The following ST8SIA1 variants were observed in gnomAD, a reference collection of about 807,000 sequenced individuals.
The protein encoded by ST8SIA1 is ST8 alpha-N-acetyl-neuraminide alpha-2,8-sialyltransferase 1, also known as alpha-N-acetylneuraminide alpha-2,8-sialyltransferase.
Under a neutral mutation model 35.9 loss-of-function variants are expected in ST8SIA1, and 16 were observed. The ratio of observed to expected loss-of-function variants is 0.45; its 90% confidence interval spans 0.30 to 0.68. The LOEUF is 0.68. Ranked by LOEUF, ST8SIA1 falls within the 30% of genes least tolerant of loss-of-function variation. The probability of loss-of-function intolerance (pLI) is 0.09; values close to 1 mark genes in which losing one functional copy is unlikely to be tolerated. For missense variants in ST8SIA1, 383 were observed against 453.6 expected (o/e 0.84, Z 1.41); for synonymous variants, 170 against 169.6 (o/e 1.00, Z -0.02).
chr12:22,286,522 G>A (rs983735947), intron 2 of ST8SIA1: 2 of 517,758 alleles, frequency 3.9e-6, no homozygotes, highest in Admixed American at 1.9e-5. Context: ...CAAAACTAGG[G>A]TTCCCTAAAA....
intron 4 of ST8SIA1, among the ~76,000 whole-genome samples, chr12:22,247,299 G>A (rs991034993): frequency 1.3e-5 from 2 of 152,104 alleles, no homozygotes; most frequent in African/African-American, 4.8e-5. Context: ...AGGAACATGT[G>A]TTCCTTCTTA....
chr12:22,304,025 C>T (rs796195081), intron 1 of ST8SIA1, among the ~76,000 whole-genome samples: 44 of 152,300 alleles, frequency 2.9e-4, no homozygotes, highest in African/African-American at 8.9e-4. Flanking sequence ...CAATGGCTGT[C>T]GTCTCACGCT....
At chr12:22,215,101 A>G (rs1056593938) in intron 4 of ST8SIA1, among the ~76,000 whole-genome samples, 3 of 151,874 alleles carry the variant, frequency 2.0e-5, no homozygotes, top group South Asian at 2.1e-4. Context: ...CTCTTTGCCT[A>G]CTCCACATCA....
intron 4 of ST8SIA1, among the ~76,000 whole-genome samples, chr12:22,220,390 TG>T (rs1271807312): frequency 1.3e-5 from 2 of 152,134 alleles, no homozygotes; most frequent in Non-Finnish European, 2.9e-5. Flanking sequence ...AAATGCATAT[TG>T]AATAAGAGAG....
intron 4 of ST8SIA1, among the ~76,000 whole-genome samples, chr12:22,206,460 T>G (rs772154329): frequency 2.0e-5 from 3 of 152,162 alleles, no homozygotes; most frequent in African/African-American, 2.4e-5. Flanking sequence ...CACCGATCAA[T>G]TATCACCGTG....
chr12:22,334,396 A>G lies in ST8SIA1; in HGVS notation c.-164T>C. 1.6e-6 allele frequency: 1 copy of G among 612,394 alleles called. No homozygotes were observed. Among genetic ancestry groups the G allele is most frequent in the South Asian group, 2.0e-5 (1 of 50,232 alleles). 37.9% of individuals were successfully genotyped at this position (612,394 alleles called of 1,614,324 possible). On this transcript the variant is annotated 5_prime_UTR_variant, in exon 1 of 5. Transcript: ENST00000396037. ...TTCGGCCCCGTCGGCCCCAAAGGTCAGCGCAAGGATTTTTTCAAATGCAAC... is the reference window on the plus strand; with the variant it reads ...TTCGGCCCCGTCGGCCCCAAAGGTCGGCGCAAGGATTTTTTCAAATGCAAC...
chr12:22,287,592 A>C (rs182305176), intron 1 of ST8SIA1, among the ~76,000 whole-genome samples: 1 of 152,312 alleles, frequency 6.6e-6, no homozygotes, highest in East Asian at 1.9e-4. Flanking sequence ...TTACAGTTGC[A>C]GATGTACTGA....
At chr12:22,217,944 A>G (rs756018024) in intron 4 of ST8SIA1, among the ~76,000 whole-genome samples, 1 of 152,234 alleles carries the variant, frequency 6.6e-6, no homozygotes, top group East Asian at 1.9e-4. Flanking sequence ...GATGAATGTA[A>G]ATAACTGTTC....
chr12:22,315,817 T>G (rs1162579448), intron 1 of ST8SIA1, among the ~76,000 whole-genome samples: 4 of 148,956 alleles, frequency 2.7e-5, no homozygotes, highest in African/African-American at 9.9e-5. Flanking sequence ...CAATGCTGTA[T>G]GGTGAAATCA....
intron 2 of ST8SIA1, among the ~76,000 whole-genome samples, chr12:22,258,130 C>G (rs1865747826): frequency 6.6e-6 from 1 of 151,968 alleles, no homozygotes; most frequent in African/African-American, 2.4e-5. Context: ...ACAATGAAAA[C>G]AGGGCAAGAG....
chr12:22,253,561 C>T (rs977155166), intron 3 of ST8SIA1, among the ~76,000 whole-genome samples: 6 of 152,188 alleles, frequency 3.9e-5, no homozygotes, highest in African/African-American at 9.7e-5. Context: ...AATTCCCCCA[C>T]GGTAGCAAAC....
At position 22,218,325 on chromosome 12, in the gene ST8SIA1, A is replaced by G. The variant is rs1399401493; in HGVS notation, c.585-16287T>C. 4.0e-5 allele frequency among the ~76,000 whole-genome samples: 6 copies of G among 148,408 alleles called. No individual in the cohort carries two copies. The Admixed American group carries it at 4.0e-4, about 10-fold the overall frequency. The stretch of plus-strand genomic sequence containing the variant: ...GGCAACAGAGTGAGACTCTCTCAAA[A>G]AAATAAAATAGACCAGGCACAGTGG... On this transcript the variant is annotated intron_variant, in intron 4 of 4. Transcript: ENST00000396037.
chr12:22,324,729 C>T (rs1866652782), intron 1 of ST8SIA1: 5 of 152,054 alleles, frequency 3.3e-5, no homozygotes, highest in Admixed American at 3.3e-4. Context: ...TTTAAAGAGG[C>T]TTTTTAATTT....
intron 2 of ST8SIA1, among the ~76,000 whole-genome samples, chr12:22,263,776 G>A (rs867045752): frequency 2.0e-5 from 3 of 152,140 alleles, no homozygotes; most frequent in Non-Finnish European, 2.9e-5. Context: ...CAGACACTCA[G>A]TATTTAGAAT....
intron 1 of ST8SIA1, among the ~76,000 whole-genome samples, chr12:22,291,768 G>C (rs1175118234): frequency 6.6e-6 from 1 of 152,078 alleles, no homozygotes; most frequent in Admixed American, 6.6e-5. Flanking sequence ...ATTTAATATT[G>C]CAAGAAGAAA....
chr12:22,266,886 C>T (rs1591839312), intron 2 of ST8SIA1, among the ~76,000 whole-genome samples: 2 of 148,976 alleles, frequency 1.3e-5, no homozygotes, highest in East Asian at 2.1e-4. Flanking sequence ...CACACATATA[C>T]ACAAAAGAGA....
chr12:22,196,091 G>C lies in ST8SIA1; in HGVS notation c.*5461C>G, dbSNP rs1368733080. 1.3e-5 allele frequency: 2 copies of C among 152,178 alleles called. No individual in the cohort carries two copies. The highest frequency in any genetic ancestry group is 2.9e-5 in the Non-Finnish European group (2 of 68,040). The allele number at this position is 152,178 out of a possible 1,614,324, so 9.4% of individuals were successfully genotyped here. A position where few individuals can be genotyped will look rare whatever the true frequency, so the allele number is the denominator to read the frequency against. ...TGAAAGAATTTTAGCACAATATAGA[G>C]ATCAATAGAAACACAGAGGAGTGAC... On this transcript the variant is annotated 3_prime_UTR_variant, in exon 5 of 5. Transcript: ENST00000396037.
intron 4 of ST8SIA1, among the ~76,000 whole-genome samples, chr12:22,243,326 T>C (rs1248425135): frequency 6.6e-6 from 1 of 152,186 alleles, no homozygotes; most frequent in African/African-American, 2.4e-5. Flanking sequence ...TAACTACTGA[T>C]GTCTTGGATT....
In ST8SIA1 at chr12:22,256,999, T is replaced by C. The variant is rs151032153; in HGVS notation, c.382-1610A>G. On this transcript the variant is annotated intron_variant, in intron 2 of 4. Transcript: ENST00000396037. ...GTTTATTCCACAAGTATTTACAAAG[T>C]GCCTACTATGCGTCAGGCACTGCCC... Among the ~76,000 whole-genome samples the C allele has an allele frequency of 2.3e-3, 343 of 152,324 alleles. 2 individuals carry two copies. The highest frequency in any genetic ancestry group is 8.1e-3 in the African/African-American group (336 of 41,560).
Sources: gnomAD v4.1 joint callset for allele counts (sites outside exome capture counted in the v4.1 genomes callset) on GRCh38, gnomAD v4.1.1 for gene constraint, MANE v1.5 for transcripts, NCBI Gene and HGNC (gene_info 2026-07-23, HGNC 2026-07-21) for gene names.